The following PIEZO2 variants were observed in gnomAD, a reference collection of about 807,000 sequenced individuals.
PIEZO2 encodes the protein piezo type mechanosensitive ion channel component 2, also known as piezo-type mechanosensitive ion channel component 2.
A neutral mutation model predicts 337.3 loss-of-function variants in PIEZO2; 172 were observed. The ratio of observed to expected loss-of-function variants is 0.51; its 90% CI spans 0.45 to 0.58. PIEZO2 has a LOEUF of 0.58. Ranked by LOEUF, PIEZO2 falls within the 20% of genes least tolerant of loss-of-function variation. The pLI is 0.00. For missense variants in PIEZO2, 3,028 were observed against 3,391.3 expected, an observed-to-expected ratio of 0.89 and a Z score of 2.66; for synonymous variants, 1,251 against 1,228.5, an observed-to-expected ratio of 1.02 and a Z score of -0.38.
intron 39 of PIEZO2, chr18:10,709,727 G>A (rs1229184907): frequency 6.6e-6 from 1 of 152,246 alleles, no homozygotes; most frequent in Non-Finnish European, 1.5e-5. Flanking sequence ...CCATGTGCTG[G>A]AGCACAAGCC....
At chr18:10,774,083 A>T in intron 18 of PIEZO2, 45 bp from the exon 19 acceptor site, 1 of 702,246 alleles carries the variant, frequency 1.4e-6, no homozygotes, top group Non-Finnish European at 2.6e-6. Context: ...GGAGATGAGA[A>T]CAGAAGAATT....
chr18:10,672,880 G>C lies in PIEZO2; in HGVS notation c.8162-7C>G. On this transcript the variant is annotated splice_region_variant and splice_polypyrimidine_tract_variant and intron_variant, in intron 54 of 55. Coordinates refer to ENST00000674853, the MANE Select transcript of PIEZO2 (RefSeq NM_001378183.1). This position sits in a 1 kb window ranked among gnomAD's most constrained non-coding sequence, Gnocchi z 4.7. ...ATATCCATGAAATTATTTTCTAGAA[G>C]GGTAGAAATGCAAAATTAAGTTGAC... 6.3e-7 allele frequency: 1 copy of C among 1,583,438 alleles called. No individual in the cohort carries two copies. The highest frequency in any genetic ancestry group is 8.6e-7 in the Non-Finnish European group (1 of 1,164,126).
intron 7 of PIEZO2, among the ~76,000 whole-genome samples, chr18:10,823,372 C>A (rs2040576598): frequency 6.6e-6 from 1 of 152,146 alleles, no homozygotes; most frequent in African/African-American, 2.4e-5. Context: ...CCCTTCACAA[C>A]TATGATGACT....
intron 1 of PIEZO2, among the ~76,000 whole-genome samples, chr18:11,118,555 A>G (rs192899402): frequency 1.2e-4 from 19 of 152,362 alleles, no homozygotes; most frequent in African/African-American, 4.1e-4. Flanking sequence ...GTTTCATAAC[A>G]GAAATAATGT....
At chr18:11,054,512 C>T (rs1419540776) in intron 2 of PIEZO2, among the ~76,000 whole-genome samples, 1 of 152,226 alleles carries the variant, frequency 6.6e-6, no homozygotes, top group African/African-American at 2.4e-5. Flanking sequence ...CTGCTATATA[C>T]ATCAGGCAAC....
chr18:10,832,348 T>C (rs79802022), intron 7 of PIEZO2, among the ~76,000 whole-genome samples: 3,940 of 152,280 alleles, frequency 0.026, 178 homozygotes, highest in African/African-American at 0.09. Context: ...TATGTGAAAG[T>C]AAGGGCTACC....
intron 3 of PIEZO2, among the ~76,000 whole-genome samples, chr18:10,917,169 G>A (rs2031047051): frequency 6.6e-6 from 1 of 152,018 alleles, no homozygotes; most frequent in African/African-American, 2.4e-5. Context: ...GCAGCTGATG[G>A]AACAAGGGAG....
intron 33 of PIEZO2, chr18:10,739,349 A>G (rs1459295651): frequency 1.3e-5 from 2 of 152,238 alleles, no homozygotes; most frequent in Non-Finnish European, 2.9e-5. Flanking sequence ...AATGAACCAG[A>G]AAATCTAAAG....
rs1348860006 is a variant in PIEZO2, at chr18:10,894,963, A to G, written c.329+16223T>C. On this transcript the variant is annotated intron_variant, in intron 4 of 55. Coordinates refer to ENST00000674853, the MANE Select transcript of PIEZO2 (RefSeq NM_001378183.1). The surrounding 1 kb of genome is among the most constrained non-coding windows in gnomAD (Gnocchi z 4.1). Reference sequence around the variant, plus strand: ...TAACATTTTGATGTTAGATGTCTGCAGATCCCACAATCCCTCCCTCTCTTT... The same window carrying G: ...TAACATTTTGATGTTAGATGTCTGCGGATCCCACAATCCCTCCCTCTCTTT... Among the ~76,000 whole-genome samples the G allele has an allele frequency of 6.6e-6, 1 of 152,218 alleles. No homozygotes were observed. Among genetic ancestry groups the G allele is most frequent in the Non-Finnish European group, 1.5e-5 (1 of 68,046 alleles).
intron 3 of PIEZO2, among the ~76,000 whole-genome samples, chr18:10,917,549 G>A (rs2031075393): frequency 1.3e-5 from 2 of 152,056 alleles, no homozygotes; most frequent in South Asian, 2.1e-4. Context: ...AAGTAACTTC[G>A]TTTTCCCTCT....
rs142041682 is a variant in PIEZO2 at position 10,795,714 on chromosome 18, C to A, written c.1528-712G>T. On this transcript the variant is annotated intron_variant, in intron 12 of 55. Coordinates refer to ENST00000674853, the MANE Select transcript of PIEZO2 (RefSeq NM_001378183.1). This position sits in a 1 kb window ranked among gnomAD's most constrained non-coding sequence, Gnocchi z 4.4. ...CATACACAGGTTCATCTGAGAAGCA[C>A]CTGGACTGAGTGCCTGGGGAAACCG... 4.8e-3 allele frequency among the ~76,000 whole-genome samples: 737 copies of A among 152,220 alleles called. 4 individuals are homozygous for A. The highest frequency in any genetic ancestry group is 0.016 in the African/African-American group (673 of 41,518).
chr18:10,852,151 C>T (rs1431655434), intron 7 of PIEZO2, among the ~76,000 whole-genome samples: 1 of 152,152 alleles, frequency 6.6e-6, no homozygotes, highest in African/African-American at 2.4e-5. Flanking sequence ...AATGTCTGCA[C>T]TGAAATTTAG....
At position 10,828,662 on chromosome 18, in the gene PIEZO2, A is replaced by C. The variant is rs946881062; in HGVS notation, c.918-21388T>G. ...AAATCCTTATGCCAATAATAGCACCATGCGGGTGGCAATACTGGTCATATG... is the reference window on the plus strand; with the variant it reads ...AAATCCTTATGCCAATAATAGCACCCTGCGGGTGGCAATACTGGTCATATG... On this transcript the variant is annotated intron_variant, in intron 7 of 55. Transcript: ENST00000674853. The surrounding 1 kb of genome is among the most constrained non-coding windows in gnomAD (Gnocchi z 4.1). Among the ~76,000 whole-genome samples the C allele has an allele frequency of 6.6e-6, 1 of 152,194 alleles. No homozygotes were observed. The highest frequency in any genetic ancestry group is 2.4e-5 in the African/African-American group (1 of 41,438).
chr18:11,110,700 G>A lies in PIEZO2; in HGVS notation c.64+37825C>T, dbSNP rs141168364. The stretch of plus-strand genomic sequence containing the variant: ...CTCGTCATCCTTTCCGCCCCTCCCC[G>A]CCCCGGCCCGCCCGCCCCGGGTCTT... On this transcript the variant is annotated intron_variant, in intron 1 of 55. Coordinates refer to ENST00000674853, the MANE Select transcript of PIEZO2 (RefSeq NM_001378183.1). This position sits in a 1 kb window ranked among gnomAD's most constrained non-coding sequence, Gnocchi z 4.2. 9.4e-3 allele frequency among the ~76,000 whole-genome samples: 1,404 copies of A among 149,252 alleles called. 19 individuals carry two copies. The highest frequency in any genetic ancestry group is 0.035 in the East Asian group (169 of 4,878).
intron 2 of PIEZO2, among the ~76,000 whole-genome samples, chr18:11,037,703 A>G (rs1038262201): frequency 2.6e-5 from 4 of 152,208 alleles, no homozygotes; most frequent in African/African-American, 7.2e-5. Context: ...GCTGTTAAAC[A>G]CATATGAAAT....
rs981056789 is a variant in PIEZO2 at position 10,894,115 on chromosome 18, T to C, written c.329+17071A>G. Among the ~76,000 whole-genome samples the C allele has an allele frequency of 1.3e-5, 2 of 152,042 alleles. No individual in the cohort carries two copies. Among genetic ancestry groups the C allele is most frequent in the Admixed American group, 1.3e-4 (2 of 15,258 alleles). On this transcript the variant is annotated intron_variant, in intron 4 of 55. Transcript: ENST00000674853. This position sits in a 1 kb window ranked among gnomAD's most constrained non-coding sequence, Gnocchi z 4.1. ...AAACTGGTGATCAGCAGCTTCCTGA[T>C]AAAATCCCAGGAGGTGGGTGAATGG...
At chr18:11,084,596 G>A (rs1342369502) in intron 1 of PIEZO2, among the ~76,000 whole-genome samples, 2 of 152,098 alleles carry the variant, frequency 1.3e-5, no homozygotes, top group East Asian at 3.9e-4. Flanking sequence ...TGGCTTGAGT[G>A]TGGATCCCTA....
chr18:11,061,345 C>T (rs1011174247), intron 2 of PIEZO2, among the ~76,000 whole-genome samples: 4 of 150,728 alleles, frequency 2.7e-5, no homozygotes, highest in African/African-American at 9.8e-5. Flanking sequence ...AAAACTGGCA[C>T]AAGACAGGGA....
chr18:10,675,523 C>T (rs955250400), intron 53 of PIEZO2, among the ~76,000 whole-genome samples: 3 of 152,202 alleles, frequency 2.0e-5, no homozygotes, highest in African/African-American at 2.4e-5. Context: ...ACAACAAGCT[C>T]GGTGATGGCT....
Sources: allele counts gnomAD v4.1 joint callset (sites outside exome capture counted in the v4.1 genomes callset), GRCh38; gene constraint gnomAD v4.1.1; non-coding constraint Gnocchi (gnomAD v3.1); transcripts MANE v1.5; gene names NCBI Gene and HGNC (gene_info 2026-07-23, HGNC 2026-07-21).